Variants in SEPTIN10 observed in about 807,000 individuals in gnomAD.
The protein encoded by SEPTIN10 is septin-10.
In SEPTIN10, 66 loss-of-function variants were observed where a neutral mutation model predicts 54.8. The observed-to-expected ratio is 1.21, with a 90% confidence interval of 0.99 to 1.48. The LOEUF is 1.48. Ranked by LOEUF, SEPTIN10 falls within the 40% of genes most tolerant of loss-of-function variation. SEPTIN10 has a pLI of 0.00. For missense variants in SEPTIN10, 620 were observed against 545.6 expected (o/e 1.14, Z -1.36); for synonymous variants, 161 against 181.0 (o/e 0.89, Z 0.89).
chr2:109,544,926 C>CA (rs1553414044), intron 10 of SEPTIN10: 3 of 979,504 alleles, frequency 3.1e-6, no homozygotes, highest in Non-Finnish European at 3.6e-6. Context: ...TCCTCTTTTC[C>CA]AAAAAAACAA....
intron 2 of SEPTIN10, among the ~76,000 whole-genome samples, chr2:109,586,915 A>T (rs535325663): frequency 6.6e-6 from 1 of 152,272 alleles, no homozygotes; most frequent in South Asian, 2.1e-4. Context: ...GCCTGTTAGA[A>T]CAAAGTTCAA....
At chr2:109,588,850 TAAAAAA>T (rs59135205) in intron 2 of SEPTIN10, among the ~76,000 whole-genome samples, 1 of 111,446 alleles carries the variant, frequency 9.0e-6, no homozygotes, top group African/African-American at 3.6e-5. Context: ...CAATTACTAT[TAAAAAA>T]AAAAAAAAAA....
At position 109,564,496 on chromosome 2, in the gene SEPTIN10, C is replaced by T; in HGVS notation, c.898G>A (p.Glu300Lys). ...TCCATATTTGTACAAATGAGCATTT[C>T]CCGCAGCTTTACAAAGTCACAGTGG... Reference protein sequence around the residue: ...ENHCDFVKLREMLICTNMEDL... With the variant: ...ENHCDFVKLRKMLICTNMEDL... The change falls in exon 8 of 11, where the codon GAA becomes AAA. Residue 300 changes from glutamate (E) to lysine (K), a missense_variant. Coordinates refer to ENST00000397712, the MANE Select transcript of SEPTIN10 (RefSeq NM_144710.5). The T allele has an allele frequency of 6.4e-7, 1 of 1,561,806 alleles. No individual in the cohort carries two copies. Among genetic ancestry groups the T allele is most frequent in the Non-Finnish European group, 8.7e-7 (1 of 1,146,352 alleles).
chr2:109,601,767 A>C (rs1696639725), intron 1 of SEPTIN10, among the ~76,000 whole-genome samples: 1 of 115,932 alleles, frequency 8.6e-6, no homozygotes, highest in African/African-American at 3.9e-5. Context: ...CCTGAAGTTA[A>C]AAAAAAAAAA....
chr2:109,593,554 C>T (rs981741203), intron 1 of SEPTIN10, among the ~76,000 whole-genome samples: 15 of 151,916 alleles, frequency 9.9e-5, no homozygotes, highest in Non-Finnish European at 1.3e-4. Context: ...TACATGTGCA[C>T]GCCACCATGC....
rs745439822 is a variant in SEPTIN10, at chr2:109,577,912, CAAAAAAAAAAA to C, written c.414-3156_414-3146del. Among the ~76,000 whole-genome samples the C allele has an allele frequency of 8.4e-3, 777 of 92,358 alleles. 6 individuals are homozygous for C. Among genetic ancestry groups the C allele is most frequent in the African/African-American group, 0.03 (741 of 24,368 alleles). 60.6% of individuals were successfully genotyped at this position (92,358 alleles called of 152,430 possible). ...TGGGTGACGAAGTGAGACTTTGTCT[CAAAAAAAAAAA>C]AAAAAAAAAAAGAGTTAATATATAA... On this transcript the variant is annotated intron_variant, in intron 4 of 10. Transcript: ENST00000397712.
chr2:109,613,636 G>C (rs1699794301), intron 1 of SEPTIN10, 162 bp downstream of exon 1: 1 of 423,506 alleles, frequency 2.4e-6, no homozygotes, highest in African/African-American at 2.1e-5. Flanking sequence ...CCCGCCCCAG[G>C]CGCCCGGCCG....
rs1032991181 is a variant in SEPTIN10 at position 109,613,932 on chromosome 2, G to A, written c.-105C>T. ...CCGGAGGGCAGAAGCAACGGGCGGG[G>A]CGCGAGGCTAGGCTGCCTCCGCGAC... On this transcript the variant is annotated 5_prime_UTR_variant, in exon 1 of 11. Coordinates refer to ENST00000397712, the MANE Select transcript of SEPTIN10 (RefSeq NM_144710.5). 4.1e-6 allele frequency: 5 copies of A among 1,221,276 alleles called. No individual in the cohort carries two copies. The highest frequency in any genetic ancestry group is 4.3e-5 in the Admixed American group (1 of 23,272). The allele number at this position is 1,221,276 out of a possible 1,614,324, so 75.7% of individuals were successfully genotyped here.
chr2:109,572,397 C>T (rs895736469), intron 5 of SEPTIN10, among the ~76,000 whole-genome samples: 1 of 151,728 alleles, frequency 6.6e-6, no homozygotes, highest in Admixed American at 6.6e-5. Flanking sequence ...CCTCCCAAAC[C>T]GCTGGGGTTA....
chr2:109,547,370 T>G (rs902754083), intron 9 of SEPTIN10, among the ~76,000 whole-genome samples: 12 of 49,822 alleles, frequency 2.4e-4, no homozygotes, highest in African/African-American at 8.7e-4. Flanking sequence ...AATAAACTTG[T>G]TTTTTTTTTT....
intron 1 of SEPTIN10, chr2:109,613,180 T>G (rs756444224): frequency 2.5e-5 from 32 of 1,288,504 alleles, no homozygotes; most frequent in Non-Finnish European, 3.1e-5. Flanking sequence ...GTAACCACAC[T>G]TGGAAAACCG....
intron 2 of SEPTIN10, among the ~76,000 whole-genome samples, chr2:109,591,417 A>C (rs1694047017): frequency 6.6e-6 from 1 of 152,214 alleles, no homozygotes. Context: ...AGCAACAGCC[A>C]CTGGATGGAC....
At chr2:109,572,666 G>A (rs1394943319) in intron 5 of SEPTIN10, among the ~76,000 whole-genome samples, 1 of 148,548 alleles carries the variant, frequency 6.7e-6, no homozygotes, top group East Asian at 2.0e-4. Context: ...GCCCAGGCTG[G>A]AGTGCAGTGG....
chr2:109,607,083 C>A (rs1043998865), intron 1 of SEPTIN10, among the ~76,000 whole-genome samples: 1 of 152,208 alleles, frequency 6.6e-6, no homozygotes. Flanking sequence ...CTCCGCTAAT[C>A]CATGGCCATC....
At position 109,542,893 on chromosome 2, in the gene SEPTIN10, A is replaced by T. The variant is rs940975919; in HGVS notation, c.*1416T>A. ...TAAGTTTCATTGTCTGAAAATACTC[A>T]TAAAATACCTCATCTCCAAAATAAT... On this transcript the variant is annotated 3_prime_UTR_variant, in exon 11 of 11. Transcript: ENST00000397712. 1 of 152,574 alleles carries T rather than the reference A, an allele frequency of 6.6e-6. No individual in the cohort carries two copies. The highest frequency in any genetic ancestry group is 1.5e-5 in the Non-Finnish European group (1 of 68,034). 9.5% of individuals were successfully genotyped at this position (152,574 alleles called of 1,614,324 possible).
intron 6 of SEPTIN10, 43 bp downstream of exon 6, chr2:109,567,771 AT>A: frequency 6.6e-7 from 1 of 1,519,278 alleles, no homozygotes; most frequent in Non-Finnish European, 8.9e-7. Context: ...TTACAGTTTT[AT>A]TTTCACATGG....
At position 109,553,110 on chromosome 2, in the gene SEPTIN10, T is replaced by C. The variant is rs750820118; in HGVS notation, c.1138A>G (p.Ile380Val). The change falls in exon 9 of 11, where the codon ATA becomes GTA. Residue 380 changes from isoleucine to valine, a missense_variant. Physicochemically the swap from Ile to Val is conservative, Grantham distance 29. Transcript: ENST00000397712. The part of the protein sequence containing the change: ...FVQRVKEKEA[I>V]LKEAERELQA... ...GCCTCTCTCTCAGCTTCTTTCAATA[T>C]GGCTTCTTTCTCCTTTACTCGCTGC... is the stretch of plus-strand genomic sequence containing the variant. 6.2e-7 allele frequency: 1 copy of C among 1,613,120 alleles called. No homozygotes were observed. The highest frequency in any genetic ancestry group is 1.3e-5 in the African/African-American group (1 of 74,916).
rs545969753 is a variant in SEPTIN10, at chr2:109,544,250, G to GT, written c.*58dup. On this transcript the variant is annotated 3_prime_UTR_variant, in exon 11 of 11. Transcript: ENST00000397712. ...ACAGCAAAATCAAAGCACACTTCTA[G>GT]TTTTTTTTTAATAAAGTTTGCTTGT... 6,900 of 1,589,864 alleles carry GT rather than the reference G, an allele frequency of 4.3e-3. 20 individuals carry two copies. Among genetic ancestry groups the GT allele is most frequent in the Middle Eastern group, 0.023 (139 of 5,996 alleles).
chr2:109,610,095 GTT>G (rs554268137), intron 1 of SEPTIN10, among the ~76,000 whole-genome samples: 1 of 143,420 alleles, frequency 7.0e-6, no homozygotes, highest in Non-Finnish European at 1.5e-5. Flanking sequence ...TCCCTGAGGT[GTT>G]TTTTTTTTTT....
Sources: allele counts gnomAD v4.1 joint callset (sites outside exome capture counted in the v4.1 genomes callset), GRCh38; gene constraint gnomAD v4.1.1; transcripts MANE v1.5; gene names NCBI Gene and HGNC (gene_info 2026-07-23, HGNC 2026-07-21).